The following ODF2L variants were observed in gnomAD, a reference collection of about 807,000 sequenced individuals.
The protein encoded by ODF2L is outer dense fiber of sperm tails 2 like.
ODF2L carries 76 observed loss-of-function variants against 86.3 expected under a neutral mutation model. The ratio of observed to expected loss-of-function variants is 0.88; its 90% confidence interval spans 0.73 to 1.07. The LOEUF (loss-of-function observed/expected upper bound fraction) is 1.07. Among genes scored for constraint, ODF2L ranks in the 50% least tolerant of loss-of-function variants. ODF2L has a pLI of 0.00. For missense variants in ODF2L, 748 were observed against 717.4 expected (o/e 1.04, Z -0.49); for synonymous variants, 241 against 231.3 (o/e 1.04, Z -0.38).
At chr1:86,356,500 A>C (rs2100776422) in exon 14 of ODF2L, 1 of 1,613,992 alleles carries the variant, frequency 6.2e-7, no homozygotes. Flanking sequence ...CCCTTGCAGC[A>C]CTGCAGACTC....
intron 16 of ODF2L, 128 bp downstream of exon 15, chr1:86,354,402 A>G: frequency 1.6e-6 from 1 of 606,364 alleles, no homozygotes; most frequent in Non-Finnish European, 2.9e-6. Flanking sequence ...TAGTTAAAGA[A>G]GAAAAATGTA....
chr1:86,390,017 A>C (rs1661208080), intron 1 of ODF2L, among the ~76,000 whole-genome samples: 1 of 152,214 alleles, frequency 6.6e-6, no homozygotes, highest in Admixed American at 6.5e-5. Flanking sequence ...GAAAGAGAGA[A>C]TCCTCCCTAA....
exon 7 of ODF2L, chr1:86,382,315 A>G (rs56044687): frequency 2.5e-4 from 402 of 1,612,282 alleles, no homozygotes; most frequent in Non-Finnish European, 3.0e-4. Flanking sequence ...TTCATGTACT[A>G]CTTTTACTGA....
chr1:86,348,617 C>A, downstream of ODF2L: 1 of 787,762 alleles, frequency 1.3e-6, no homozygotes, highest in Non-Finnish European at 1.7e-6. Flanking sequence ...TTTCAAAAAT[C>A]TTTACATAAA....
chr1:86,382,351 G>A (rs1321593150), exon 7 of ODF2L: 2 of 1,610,726 alleles, frequency 1.2e-6, no homozygotes, highest in African/African-American at 1.3e-5. Flanking sequence ...TGCTTTCAAA[G>A]TATTTGCCTG....
rs547686771 is a variant in ODF2L, at chr1:86,383,747, G to A, written c.373-551C>T. Among the ~76,000 whole-genome samples, 9 of 151,686 alleles carry A rather than the reference G, an allele frequency of 5.9e-5. No individual in the cohort carries two copies. The South Asian group carries it at 8.3e-4, about 14-fold the overall frequency. On this transcript the variant is annotated intron_variant, in intron 4 of 17. Transcript: ENST00000317336. ...GTACATATAATGCAAAATTGTACAC[G>A]GAATTTCAGAGGGTACATGGATTTC...
At chr1:86,394,834 T>G (rs1469075223) in intron 1 of ODF2L, among the ~76,000 whole-genome samples, 1 of 124,780 alleles carries the variant, frequency 8.0e-6, no homozygotes, top group African/African-American at 2.8e-5. Flanking sequence ...AGTTTGTTTC[T>G]TTTTCCTTTT....
rs989584066 is a variant in ODF2L at position 86,371,262 on chromosome 1, T to C, written c.921-109A>G. On this transcript the variant is annotated intron_variant, in intron 9 of 17. Coordinates refer to ENST00000317336, the Ensembl canonical transcript of ODF2L. ...CTTTGGCCGGGTGCATCGTTTCAAA[T>C]AGGGAATATACAAAAAATAAATAGA... 3 of 517,054 alleles carry C rather than the reference T, an allele frequency of 5.8e-6. No homozygotes were observed. In the African/African-American group the frequency reaches 5.9e-5, roughly 10 times the overall value. The allele number at this position is 517,054 out of a possible 1,614,324, so 32.0% of individuals were successfully genotyped here.
chr1:86,378,302 C>T lies in ODF2L; in HGVS notation c.625-1884G>A, dbSNP rs147253878. Among the ~76,000 whole-genome samples the T allele has an allele frequency of 4.7e-3, 710 of 152,296 alleles. 8 individuals carry two copies. Among genetic ancestry groups the T allele is most frequent in the African/African-American group, 0.016 (654 of 41,556 alleles). ...TCAGCCAGGACTTCATTGTCCATAT[C>T]ACTATCAGCATTTTGCTCAACACCA... On this transcript the variant is annotated intron_variant, in intron 7 of 17. Transcript: ENST00000317336.
Position 86,378,196 on chromosome 1 carries a change from G to A in ODF2L, c.625-1778C>T, listed in dbSNP as rs191812010. Among the ~76,000 whole-genome samples, 318 of 152,250 alleles carry A rather than the reference G, an allele frequency of 2.1e-3. 2 individuals carry two copies. The highest frequency in any genetic ancestry group is 7.1e-3 in the African/African-American group (295 of 41,556). On this transcript the variant is annotated intron_variant, in intron 7 of 17. Transcript: ENST00000317336. ...ATCTCTAGGGCAGTGGCAAAATACC[G>A]TCAGTCTCTTTGCTAAAGCATAGCA...
rs769658162 is a variant in ODF2L at position 86,384,686 on chromosome 1, T to A, written c.362A>T (p.Asp121Val). Residue 121 changes from aspartate (D) to valine (V), a missense_variant, in exon 4 of 18, where the codon GAC (aspartate) becomes GTC (valine). Asp to Val is a radical substitution (Grantham distance 152). Coordinates refer to ENST00000317336, the Ensembl canonical transcript of ODF2L. ...GTGTTGATGCCTTACTTGTTTGTAGTCTCTCTTTCTAAGAAGATGTTCTAA... is the reference window on the plus strand; with the variant it reads ...GTGTTGATGCCTTACTTGTTTGTAGACTCTCTTTCTAAGAAGATGTTCTAA... 12 of 1,479,320 alleles carry A rather than the reference T, an allele frequency of 8.1e-6. No individual in the cohort carries two copies. In the African/African-American group the frequency reaches 1.6e-4, roughly 20 times the overall value. 91.6% of individuals were successfully genotyped at this position (1,479,320 alleles called of 1,614,324 possible). A position where few individuals can be genotyped will look rare whatever the true frequency, so the allele number is the denominator to read the frequency against.
exon 16 of ODF2L, chr1:86,354,568 T>C: frequency 6.2e-7 from 1 of 1,606,998 alleles, no homozygotes; most frequent in Non-Finnish European, 8.5e-7. Flanking sequence ...TCCAGTTGTC[T>C]GGCCAATGCT....
At chr1:86,360,786 G>A (rs405424) in intron 11 of ODF2L, 82,783 of 237,680 alleles carry the variant, frequency 0.35, 14,956 homozygotes, top group African/African-American at 0.48. Flanking sequence ...AAAAAAACTT[G>A]GAAATGTGCC....
At chr1:86,350,821 T>C (rs1408957030) in exon 18 of ODF2L, 1 of 152,246 alleles carries the variant, frequency 6.6e-6, no homozygotes, top group Non-Finnish European at 1.5e-5. Flanking sequence ...TATCTCACTG[T>C]AGTTTTGATT....
In ODF2L at chr1:86,358,497, A is replaced by T. The variant is rs558529010; in HGVS notation, c.1359+290T>A. On this transcript the variant is annotated intron_variant, in intron 13 of 17. Transcript: ENST00000317336. ...AGATACTTAGGTTTGTATACTTATG[A>T]TTGATAACCATTTTTTGAGCTATTT... 16 of 168,472 alleles carry T rather than the reference A, an allele frequency of 9.5e-5. No homozygotes were observed. In the South Asian group the frequency reaches 3.0e-3, roughly 32 times the overall value. The allele number at this position is 168,472 out of a possible 1,614,324, so 10.4% of individuals were successfully genotyped here.
At chr1:86,379,866 A>G (rs1368373999) in intron 7 of ODF2L, among the ~76,000 whole-genome samples, 2 of 152,184 alleles carry the variant, frequency 1.3e-5, no homozygotes, top group African/African-American at 4.8e-5. Context: ...GATTGTAACT[A>G]ATTGGCATGA....
intron 14 of ODF2L, 42 bp downstream of exon 13, chr1:86,356,402 C>G: frequency 6.5e-7 from 1 of 1,540,176 alleles, no homozygotes; most frequent in South Asian, 1.2e-5. Context: ...CCAAAGCATT[C>G]TTTTAACGCA....
At position 86,376,152 on chromosome 1, in the gene ODF2L, T is replaced by A. The variant is rs1006498391; in HGVS notation, c.810+81A>T. 1.2e-5 allele frequency: 8 copies of A among 682,346 alleles called. No homozygotes were observed. In the East Asian group the frequency reaches 2.0e-4, roughly 17 times the overall value. 42.3% of individuals were successfully genotyped at this position (682,346 alleles called of 1,614,324 possible). ...AGCATTAAGAAAAGAATAAAATTAC[T>A]ATATTAAGCATCATGATATTAATTA... On this transcript the variant is annotated intron_variant, in intron 8 of 17. Transcript: ENST00000317336.
chr1:86,369,229 A>T (rs1211033293), intron 10 of ODF2L, among the ~76,000 whole-genome samples: 1 of 152,198 alleles, frequency 6.6e-6, no homozygotes, highest in African/African-American at 2.4e-5. Context: ...AATTTCTTGA[A>T]GGAAAAAATT....
Sources: allele counts gnomAD v4.1 joint callset (sites outside exome capture counted in the v4.1 genomes callset), GRCh38; gene constraint gnomAD v4.1.1; transcripts MANE v1.5; gene names NCBI Gene and HGNC (gene_info 2026-07-23, HGNC 2026-07-21).